Variants in PATL2 observed in about 807,000 individuals in gnomAD.
PATL2 encodes PAT1 homolog 2.
In PATL2, 73 loss-of-function variants were observed where a neutral mutation model predicts 77.0. The observed-to-expected ratio is 0.95, with a 90% CI of 0.78 to 1.15. The LOEUF (loss-of-function observed/expected upper bound fraction) is 1.15, where lower values mean the gene tolerates loss of function less well. Ranked by LOEUF, PATL2 falls within the 50% of genes most tolerant of loss-of-function variation. The pLI is 0.00. For missense variants in PATL2, 618 were observed against 655.4 expected (o/e 0.94, Z 0.62); for synonymous variants, 265 against 257.1 (o/e 1.03, Z -0.29).
chr15:44,703,552 T>C (rs765391953), intron 3 of PATL2, among the ~76,000 whole-genome samples: 1 of 151,952 alleles, frequency 6.6e-6, no homozygotes, highest in Non-Finnish European at 1.5e-5. Context: ...TCTTTGTCTC[T>C]TTTTATAGTT....
intron 11 of PATL2, 86 bp from the exon 12 acceptor site, chr15:44,669,649 G>A (rs928878079): frequency 8.6e-6 from 13 of 1,515,858 alleles, no homozygotes; most frequent in African/African-American, 2.8e-5. Flanking sequence ...AGATTGAGCT[G>A]GAAAGGCTAG....
chr15:44,694,470 G>C (rs2086461095), intron 3 of PATL2, among the ~76,000 whole-genome samples: 1 of 152,142 alleles, frequency 6.6e-6, no homozygotes, highest in Non-Finnish European at 1.5e-5. Context: ...TCACTAGAGA[G>C]AGCTGTTTTC....
At chr15:44,697,379 A>G in intron 3 of PATL2, 1 of 152,318 alleles carries the variant, frequency 6.6e-6, no homozygotes, top group Non-Finnish European at 1.5e-5. Context: ...GGAACAAAGA[A>G]ATCTGTGACT....
At chr15:44,672,520 C>A in intron 7 of PATL2, 64 bp from the exon 8 acceptor site, 1 of 1,464,296 alleles carries the variant, frequency 6.8e-7, no homozygotes, top group South Asian at 1.2e-5. Context: ...CCCCTCCATT[C>A]ATTCAGCCCA....
rs146007505 is a variant in PATL2, at chr15:44,707,354, G to A, written c.-76+2742C>T. Among the ~76,000 whole-genome samples the A allele has an allele frequency of 2.6e-5, 4 of 152,182 alleles. 1 individual carries two copies. The East Asian group carries it at 7.7e-4, about 29-fold the overall frequency. The stretch of plus-strand genomic sequence containing the variant: ...ATGTGCTGGGTCACACCTTAAGCCT[G>A]CACGTCTCTGAGTCTCACCCAAAGC... On this transcript the variant is annotated intron_variant, in intron 3 of 17. Coordinates refer to ENST00000682850, the MANE Select transcript of PATL2 (RefSeq NM_001387263.1).
In PATL2 at chr15:44,672,004, G is replaced by A. The variant is rs1029426137; in HGVS notation, c.657+11C>T. The A allele has an allele frequency of 4.5e-6, 7 of 1,551,520 alleles. No individual in the cohort carries two copies. In the African/African-American group the frequency reaches 8.2e-5, roughly 18 times the overall value. On this transcript the variant is annotated intron_variant, in intron 9 of 17. Transcript: ENST00000682850. ...AAGGTCAGAGGCTGGGCTGAGTACT[G>A]CGGGGCTCACCTGGTAATAGTAGTC...
At chr15:44,683,782 C>A (rs931569861) in intron 3 of PATL2, among the ~76,000 whole-genome samples, 3 of 152,182 alleles carry the variant, frequency 2.0e-5, no homozygotes, top group Admixed American at 6.5e-5. Flanking sequence ...GTCCCTGACC[C>A]CCATGCCTCC....
rs926564088 is a variant in PATL2 at position 44,668,378 on chromosome 15, G to A, written c.1329C>T (p.Ser443=). Residue 443 remains serine (S), a synonymous_variant, in exon 15 of 18, where the codon TCC becomes TCT. Coordinates refer to ENST00000682850, the MANE Select transcript of PATL2 (RefSeq NM_001387263.1). ...LQGLTLLPPG[S]SERPVTVVLQ... is the part of the protein sequence containing the mutation. The stretch of plus-strand genomic sequence containing the variant: ...GCACCACGGTGACTGGCCGCTCTGA[G>A]GAGCCAGGTGGCAACAGCGTTAATC... 9.0e-6 allele frequency: 14 copies of A among 1,551,212 alleles called. No homozygotes were observed. Among genetic ancestry groups the A allele is most frequent in the Non-Finnish European group, 1.0e-5 (12 of 1,146,984 alleles).
intron 3 of PATL2, among the ~76,000 whole-genome samples, chr15:44,684,675 A>G (rs1227122852): frequency 6.6e-6 from 1 of 152,212 alleles, no homozygotes; most frequent in East Asian, 1.9e-4. Flanking sequence ...AACACTCTTC[A>G]GGATATTATC....
chr15:44,675,960 T>C, intron 4 of PATL2: 1 of 442,544 alleles, frequency 2.3e-6, no homozygotes, highest in Non-Finnish European at 4.0e-6. Context: ...GGCGGGAAGA[T>C]CATTTGGGCC....
rs1165574864 is a variant in PATL2 at position 44,673,294 on chromosome 15, C to A, written c.387G>T (p.Leu129=). Residue 129 remains leucine (L), a synonymous_variant, in exon 7 of 18, where the codon CTG becomes CTT. Transcript: ENST00000682850. The part of the protein sequence containing the change: ...SSPAQHFGPR[L]PSPDPTLFCS... ...AGAAGAGAGTTGGGTCTGGTGAGGG[C>A]AGCCGAGGTCCAAAGTGCTGTGCTG... 6.4e-7 allele frequency: 1 copy of A among 1,551,606 alleles called. No homozygotes were observed. The highest frequency in any genetic ancestry group is 8.7e-7 in the Non-Finnish European group (1 of 1,146,960).
chr15:44,679,814 T>C (rs936475575), intron 3 of PATL2, among the ~76,000 whole-genome samples: 3 of 152,194 alleles, frequency 2.0e-5, no homozygotes, highest in African/African-American at 4.8e-5. Context: ...AGGAAATAGA[T>C]GGTGTATTCA....
At chr15:44,701,576 C>CT (rs1330850329) in intron 3 of PATL2, among the ~76,000 whole-genome samples, 12 of 151,022 alleles carry the variant, frequency 7.9e-5, no homozygotes, top group African/African-American at 2.4e-4. Context: ...CATGCCTGTT[C>CT]TTTCAGCTAC....
Position 44,672,159 on chromosome 15 carries a change from T to C in PATL2, c.516-3A>G. The stretch of plus-strand genomic sequence containing the variant: ...ACCAAGGCTTCTTGGCTGGGGGACT[T>C]TAAGCCAGGAGGAACAACCCTTTAG... On this transcript the variant is annotated splice_region_variant and splice_polypyrimidine_tract_variant and intron_variant, in intron 8 of 17. Transcript: ENST00000682850. The C allele has an allele frequency of 6.4e-7, 1 of 1,551,640 alleles. No homozygotes were observed. The highest frequency in any genetic ancestry group is 8.7e-7 in the Non-Finnish European group (1 of 1,146,968).
chr15:44,684,660 T>C (rs1471540722), intron 3 of PATL2, among the ~76,000 whole-genome samples: 1 of 152,152 alleles, frequency 6.6e-6, no homozygotes, highest in Non-Finnish European at 1.5e-5. Context: ...GGAAACAAGC[T>C]GGAAAACACT....
At chr15:44,666,645 A>AC (rs1286100728) in intron 16 of PATL2, 104 bp from the exon 17 acceptor site, 10 of 1,212,660 alleles carry the variant, frequency 8.2e-6, no homozygotes, top group Non-Finnish European at 1.1e-5. Context: ...ATTGTCCCCC[A>AC]CCCCCAGGTA....
chr15:44,704,481 A>G (rs1204640127), intron 3 of PATL2, among the ~76,000 whole-genome samples: 1 of 152,232 alleles, frequency 6.6e-6, no homozygotes, highest in Non-Finnish European at 1.5e-5. Flanking sequence ...AGAAAAAATT[A>G]ATAAAAACTC....
Position 44,667,128 on chromosome 15 carries a change from G to A in PATL2, c.1441C>T (p.Pro481Ser), listed in dbSNP as rs1171043310. 3 of 1,551,410 alleles carry A rather than the reference G, an allele frequency of 1.9e-6. No individual in the cohort carries two copies. Among genetic ancestry groups the A allele is most frequent in the Non-Finnish European group, 2.6e-6 (3 of 1,146,906 alleles). ...TACCAAGCTGTATGGTCACTGTTGG[G>A]TTCCTCTAGGGAAGAATGCAGCGAT... ...LVSLHSSLEE[P>S]NSDHTAWTDM... Residue 481 changes from proline (P) to serine (S), a missense_variant, in exon 16 of 18, where the codon CCC becomes TCC. Pro to Ser is a moderately conservative substitution (Grantham distance 74). Coordinates refer to ENST00000682850, the MANE Select transcript of PATL2 (RefSeq NM_001387263.1).
At chr15:44,695,998 T>C (rs543238772) in intron 3 of PATL2, among the ~76,000 whole-genome samples, 1 of 152,266 alleles carries the variant, frequency 6.6e-6, no homozygotes, top group South Asian at 2.1e-4. Context: ...CAGAGGCAAG[T>C]GTCAGCTCCA....
Sources: allele counts gnomAD v4.1 joint callset (sites outside exome capture counted in the v4.1 genomes callset), GRCh38; gene constraint gnomAD v4.1.1; transcripts MANE v1.5; gene names NCBI Gene and HGNC (gene_info 2026-07-23, HGNC 2026-07-21).